Variants in CTTNBP2 observed in about 807,000 individuals in gnomAD.
CTTNBP2 encodes the protein cortactin binding protein 2.
CTTNBP2 carries 108 observed loss-of-function variants against 156.9 expected under a neutral mutation model. That is an observed-to-expected ratio of 0.69 (90% CI 0.59 to 0.81). The LOEUF is 0.81. Ranked by LOEUF, CTTNBP2 falls within the 30% of genes least tolerant of loss-of-function variation. The probability of loss-of-function intolerance (pLI) is 0.00; values close to 1 mark genes in which losing one functional copy is unlikely to be tolerated. For missense variants in CTTNBP2, 1,924 were observed against 2,035.4 expected, an observed-to-expected ratio of 0.95 and a Z score of 1.05; for synonymous variants, 767 against 751.8, an observed-to-expected ratio of 1.02 and a Z score of -0.33.
At chr7:117,817,361 A>ATAAATAAATAAATAAATATATATAT (rs1298639361) in intron 2 of CTTNBP2, among the ~76,000 whole-genome samples, 2 of 53,286 alleles carry the variant, frequency 3.8e-5, no homozygotes, top group Non-Finnish European at 6.8e-5. Context: ...AAAAAAAAAA[A>ATAAATAAATAAATAAATATATATAT]ATATATATAT....
chr7:117,838,068 A>G (rs180897865), intron 2 of CTTNBP2, among the ~76,000 whole-genome samples: 114 of 152,300 alleles, frequency 7.5e-4, no homozygotes, highest in African/African-American at 2.6e-3. Flanking sequence ...TTCTTATGTG[A>G]CCATAGATAA....
chr7:117,829,233 C>T (rs2117067077), intron 2 of CTTNBP2, among the ~76,000 whole-genome samples: 1 of 152,314 alleles, frequency 6.6e-6, no homozygotes, highest in East Asian at 1.9e-4. Context: ...CATTCCCACT[C>T]CCTCTATTCT....
intron 2 of CTTNBP2, among the ~76,000 whole-genome samples, chr7:117,829,014 A>G (rs545584399): frequency 5.9e-5 from 9 of 152,342 alleles, no homozygotes; most frequent in African/African-American, 1.9e-4. Context: ...AATTTCTGAA[A>G]AGACTAAAAC....
At chr7:117,858,035 T>C (rs1803446593) in intron 2 of CTTNBP2, among the ~76,000 whole-genome samples, 1 of 152,156 alleles carries the variant, frequency 6.6e-6, no homozygotes, top group Non-Finnish European at 1.5e-5. Flanking sequence ...ATCATCTAAA[T>C]AAAGAAATCA....
chr7:117,857,642 AT>A (rs1004760091), intron 2 of CTTNBP2, among the ~76,000 whole-genome samples: 2 of 152,174 alleles, frequency 1.3e-5, no homozygotes, highest in African/African-American at 4.8e-5. Context: ...TAATTTATAT[AT>A]TAAGTTCAAA....
At chr7:117,770,982 A>G (rs992803103) in intron 8 of CTTNBP2, among the ~76,000 whole-genome samples, 2 of 152,220 alleles carry the variant, frequency 1.3e-5, no homozygotes, top group African/African-American at 4.8e-5. Context: ...CTTTTAAAGA[A>G]GTAGTTTAGG....
intron 16 of CTTNBP2, among the ~76,000 whole-genome samples, chr7:117,729,034 C>T (rs1040474730): frequency 6.6e-6 from 1 of 152,194 alleles, no homozygotes; most frequent in Admixed American, 6.5e-5. Context: ...TCATCAAGAC[C>T]ACATGTAGAG....
rs958683314 is a variant in CTTNBP2 at position 117,807,420 on chromosome 7, G to T, written c.414+3345C>A. Among the ~76,000 whole-genome samples the T allele has an allele frequency of 3.3e-5, 5 of 152,178 alleles. No homozygotes were observed. In the South Asian group the frequency reaches 1.0e-3, roughly 32 times the overall value. On this transcript the variant is annotated intron_variant, in intron 3 of 22. Transcript: ENST00000160373. ...AAAAATGGCAGAATAAAGTACAATT[G>T]TAAGAAGAAATGGGCATATGAAATC... is the stretch of plus-strand genomic sequence containing the variant.
intron 2 of CTTNBP2, among the ~76,000 whole-genome samples, chr7:117,847,933 C>T (rs1370946050): frequency 9.3e-5 from 14 of 149,766 alleles, no homozygotes; most frequent in Non-Finnish European, 1.5e-5. Flanking sequence ...ATTCTCCTGC[C>T]TCAGCCTCCC....
rs1298523436 is a variant in CTTNBP2 at position 117,784,470 on chromosome 7, A to G, written c.2069-16T>C. ...GGTGACCAGCCTGTAGGTTAAAGTG[A>G]CCCTCGTTAGAGAGTAGGAGCAAGG... On this transcript the variant is annotated splice_polypyrimidine_tract_variant and intron_variant, in intron 4 of 22. Coordinates refer to ENST00000160373, the MANE Select transcript of CTTNBP2 (RefSeq NM_033427.3). 1 of 1,554,590 alleles carries G rather than the reference A, an allele frequency of 6.4e-7. No homozygotes were observed. Among genetic ancestry groups the G allele is most frequent in the Non-Finnish European group, 8.7e-7 (1 of 1,155,330 alleles).
chr7:117,850,167 A>G (rs1802847116), intron 2 of CTTNBP2, among the ~76,000 whole-genome samples: 1 of 152,218 alleles, frequency 6.6e-6, no homozygotes, highest in South Asian at 2.1e-4. Context: ...CTTCACCTTG[A>G]ATCTGAGCTA....
chr7:117,725,883 TTCA>T (rs924246650), intron 17 of CTTNBP2, among the ~76,000 whole-genome samples: 1 of 152,100 alleles, frequency 6.6e-6, no homozygotes, highest in African/African-American at 2.4e-5. Flanking sequence ...AGATGGGGTT[TTCA>T]TCATGTTGGC....
intron 16 of CTTNBP2, among the ~76,000 whole-genome samples, chr7:117,734,225 C>T (rs1424094857): frequency 2.6e-5 from 4 of 152,220 alleles, no homozygotes; most frequent in Non-Finnish European, 5.9e-5. Flanking sequence ...TTATTAGCAG[C>T]TTAAAATCCT....
chr7:117,793,160 TA>T (rs945876437), intron 3 of CTTNBP2, among the ~76,000 whole-genome samples: 10 of 152,208 alleles, frequency 6.6e-5, no homozygotes, highest in Admixed American at 1.3e-4. Context: ...TTTAATGCTT[TA>T]AAATTATTAA....
At chr7:117,747,163 C>G (rs1282216022) in intron 12 of CTTNBP2, among the ~76,000 whole-genome samples, 3 of 152,192 alleles carry the variant, frequency 2.0e-5, no homozygotes, top group Non-Finnish European at 4.4e-5. Flanking sequence ...TGATATTGCT[C>G]AAGTGAAGAT....
intron 3 of CTTNBP2, among the ~76,000 whole-genome samples, chr7:117,796,039 TC>T (rs1250376028): frequency 2.0e-5 from 3 of 152,300 alleles, no homozygotes; most frequent in Admixed American, 2.0e-4. Flanking sequence ...CTTTACAGAC[TC>T]CTTTATCAAA....
At chr7:117,716,582 A>G (rs1562945455) in intron 22 of CTTNBP2, among the ~76,000 whole-genome samples, 1 of 152,198 alleles carries the variant, frequency 6.6e-6, no homozygotes, top group Non-Finnish European at 1.5e-5. Flanking sequence ...TTTTCCAACC[A>G]GAAGGCTCAG....
In CTTNBP2 at chr7:117,725,166, CA is replaced by C. The variant is rs772029490; in HGVS notation, c.4146del (p.Phe1382LeufsTer26). 1.2e-6 allele frequency: 2 copies of C among 1,613,852 alleles called. No homozygotes were observed. The highest frequency in any genetic ancestry group is 3.3e-5 in the Admixed American group (2 of 60,022). On this transcript the variant is annotated frameshift_variant, in exon 18 of 23. Transcript: ENST00000160373. LOFTEE classifies it high-confidence loss of function. ...GGGTGTCTTTTAGCAGTTGTCTGCC[CA>C]AAGCCAGGTTGTCTTTTCACAGAGG... ...SRASVKRQPGFGQTTAKRHPS... is the reference protein window; with the variant it reads ...SRASVKRQPGXGQTTAKRHPS...
chr7:117,722,868 A>T (rs62469450), intron 19 of CTTNBP2, among the ~76,000 whole-genome samples: 5,779 of 152,278 alleles, frequency 0.038, 131 homozygotes, highest in Middle Eastern at 0.068. Flanking sequence ...CAATTACAGA[A>T]CCGCATATTT....
Sources: allele counts gnomAD v4.1 joint callset (sites outside exome capture counted in the v4.1 genomes callset), GRCh38; gene constraint gnomAD v4.1.1; transcripts MANE v1.5; gene names NCBI Gene and HGNC (gene_info 2026-07-23, HGNC 2026-07-21).